The following BIRC7 variants were observed in gnomAD, a reference collection of about 807,000 sequenced individuals.
BIRC7 encodes baculoviral IAP repeat-containing protein 7.
A neutral mutation model predicts 33.2 loss-of-function variants in BIRC7; 26 were observed. The observed-to-expected ratio is 0.78, with a 90% CI of 0.57 to 1.09. The LOEUF is 1.09. Ranked by LOEUF, BIRC7 falls within the 50% of genes least tolerant of loss-of-function variation. The pLI is 0.00. For missense variants in BIRC7, 409 were observed against 401.2 expected, an observed-to-expected ratio of 1.02 and a Z score of -0.17; for synonymous variants, 176 against 171.0, an observed-to-expected ratio of 1.03 and a Z score of -0.23.
intron 4 of BIRC7, 167 bp downstream of exon 4, chr20:63,238,781 G>A (rs2066708768): frequency 1.1e-6 from 1 of 937,488 alleles, no homozygotes; most frequent in South Asian, 1.6e-5. Flanking sequence ...CCATGTGAGG[G>A]TGGGGGCGGG....
At chr20:63,238,975 G>T (rs934873026) in intron 4 of BIRC7, 187 bp from the exon 5 acceptor site, 21 of 678,286 alleles carry the variant, frequency 3.1e-5, no homozygotes, top group Non-Finnish European at 5.3e-5. Flanking sequence ...CTCTGGTGGC[G>T]CCTCCAGGAA....
In BIRC7 at chr20:63,239,064, C is replaced by G. The variant is rs1340519238; in HGVS notation, c.578-98C>G. On this transcript the variant is annotated intron_variant, in intron 4 of 6. Coordinates refer to ENST00000217169, the MANE Select transcript of BIRC7 (RefSeq NM_139317.3). The stretch of plus-strand genomic sequence containing the variant: ...GGATACTCTGCAGCCCCTCCACTCC[C>G]GGCCAGAACTGGACCCCACAGGCTG... The G allele has an allele frequency of 3.9e-6, 5 of 1,282,052 alleles. No individual in the cohort carries two copies. In the South Asian group the frequency reaches 4.9e-5, roughly 13 times the overall value. 79.4% of individuals were successfully genotyped at this position (1,282,052 alleles called of 1,614,324 possible). A position where few individuals can be genotyped will look rare whatever the true frequency, so the allele number is the denominator to read the frequency against.
At chr20:63,239,290 C>G in intron 5 of BIRC7, 57 bp downstream of exon 5, 1 of 1,607,156 alleles carries the variant, frequency 6.2e-7, no homozygotes, top group Non-Finnish European at 8.5e-7. Context: ...TGAGGGACCC[C>G]GACCTTCCAT....
At position 63,236,463 on chromosome 20, in the gene BIRC7, G is replaced by A. The variant is rs767123998; in HGVS notation, c.349+18G>A. The A allele has an allele frequency of 1.3e-6, 2 of 1,508,258 alleles. No individual in the cohort carries two copies. The highest frequency in any genetic ancestry group is 2.2e-5 in the Admixed American group (1 of 46,152). The allele number at this position is 1,508,258 out of a possible 1,614,324, so 93.4% of individuals were successfully genotyped here. A position where few individuals can be genotyped will look rare whatever the true frequency, so the allele number is the denominator to read the frequency against. ...CCACACAGGTCAGTCCCGGGCGGGG[G>A]GGCCTTCCTGCCGTGGGCCTGGGCA... On this transcript the variant is annotated intron_variant, in intron 1 of 6. Coordinates refer to ENST00000217169, the MANE Select transcript of BIRC7 (RefSeq NM_139317.3).
At chr20:63,236,474 C>A (rs764004708) in intron 1 of BIRC7, 29 bp downstream of exon 1, 2 of 1,505,250 alleles carry the variant, frequency 1.3e-6, no homozygotes, top group Non-Finnish European at 1.8e-6. Context: ...GGCCTTCCTG[C>A]CGTGGGCCTG....
intron 1 of BIRC7, among the ~76,000 whole-genome samples, chr20:63,237,097 C>T (rs376116897): frequency 6.6e-6 from 1 of 152,244 alleles, no homozygotes; most frequent in African/African-American, 2.4e-5. Flanking sequence ...GAGGGCTTTA[C>T]AAATACTGGC....
At chr20:63,239,103 G>A in intron 4 of BIRC7, 59 bp from the exon 5 acceptor site, 1 of 1,555,382 alleles carries the variant, frequency 6.4e-7, no homozygotes, top group Non-Finnish European at 8.8e-7. Context: ...ACCTGTATCT[G>A]GGCCGGCCCA....
Position 63,235,997 on chromosome 20 carries a change from C to A in BIRC7, c.-100C>A. On this transcript the variant is annotated 5_prime_UTR_variant, in exon 1 of 7. Coordinates refer to ENST00000217169, the MANE Select transcript of BIRC7 (RefSeq NM_139317.3). ...TCCCTGCTGTCCCCAGGGTGGGCCCCGGGGGTCAGGAGCTCCAGAAGGGCC... is the reference window on the plus strand; with the variant it reads ...TCCCTGCTGTCCCCAGGGTGGGCCCAGGGGGTCAGGAGCTCCAGAAGGGCC... 1 of 1,409,972 alleles carries A rather than the reference C, an allele frequency of 7.1e-7. No homozygotes were observed. The highest frequency in any genetic ancestry group is 9.5e-7 in the Non-Finnish European group (1 of 1,058,116). 87.3% of individuals were successfully genotyped at this position (1,409,972 alleles called of 1,614,324 possible).
chr20:63,238,036 T>A (rs769276793), intron 2 of BIRC7, 34 bp downstream of exon 2: 1 of 1,534,614 alleles, frequency 6.5e-7, no homozygotes, highest in Non-Finnish European at 8.8e-7. Flanking sequence ...CCGGGTCTGA[T>A]CATGGGTAGG....
intron 2 of BIRC7, 105 bp from the exon 3 acceptor site, chr20:63,238,291 G>T (rs1349418621): frequency 7.3e-7 from 1 of 1,373,018 alleles, no homozygotes; most frequent in Admixed American, 1.8e-5. Flanking sequence ...GGGCACTGCA[G>T]GGTGGCGGGA....
At chr20:63,239,031 G>A (rs1440117098) in intron 4 of BIRC7, 131 bp from the exon 5 acceptor site, 25 of 916,132 alleles carry the variant, frequency 2.7e-5, no homozygotes, top group South Asian at 1.5e-4. Context: ...AAGAAGTGTC[G>A]GGAGCGGGGA....
chr20:63,236,659 G>A (rs55887510), intron 1 of BIRC7, among the ~76,000 whole-genome samples: 3,464 of 152,296 alleles, frequency 0.023, 138 homozygotes, highest in African/African-American at 0.079. Context: ...GTTTCAGACC[G>A]TGGGATGTGA....
In BIRC7 at chr20:63,239,553, G is replaced by A; in HGVS notation, c.845G>A (p.Cys282Tyr). 1 of 1,603,102 alleles carries A rather than the reference G, an allele frequency of 6.2e-7. No individual in the cohort carries two copies. The highest frequency in any genetic ancestry group is 8.5e-7 in the Non-Finnish European group (1 of 1,179,652). ...GAGTGTGCCCCCGGCCTGCAGCTGT[G>A]CCCCATCTGCAGAGCCCCCGTCCGC... Reference protein sequence around the residue: ...CAECAPGLQLCPICRAPVRSR... With the variant: ...CAECAPGLQLYPICRAPVRSR... The change falls in exon 6 of 7, where the codon TGC (cysteine) becomes TAC (tyrosine). Residue 282 changes from cysteine to tyrosine, a missense_variant. Coordinates refer to ENST00000217169, the MANE Select transcript of BIRC7 (RefSeq NM_139317.3).
chr20:63,236,354 T>G lies in BIRC7; in HGVS notation c.258T>G (p.Ser86=). 6.3e-7 allele frequency: 1 copy of G among 1,598,914 alleles called. No homozygotes were observed. The highest frequency in any genetic ancestry group is 2.2e-5 in the East Asian group (1 of 44,566). The change falls in exon 1 of 7, where the codon TCT becomes TCG. Residue 86 remains serine (S), a synonymous_variant. Transcript: ENST00000217169. ...SRGPAFPGMG[S]EELRLASFYD... is the part of the protein sequence containing the mutation. Reference sequence around the variant, plus strand: ...GGCCTGCCTTCCCCGGCATGGGCTCTGAGGAGTTGCGTCTGGCCTCCTTCT... The same window carrying G: ...GGCCTGCCTTCCCCGGCATGGGCTCGGAGGAGTTGCGTCTGGCCTCCTTCT...
In BIRC7 at chr20:63,238,571, C is replaced by T; in HGVS notation, c.534C>T (p.Asp178=). 6.2e-7 allele frequency: 1 copy of T among 1,613,158 alleles called. No homozygotes were observed. The highest frequency in any genetic ancestry group is 8.5e-7 in the Non-Finnish European group (1 of 1,179,988). ...ETHSQLLGSW[D]PWEEPEDAAP... ...TGATGGTCTCTGGCTCCTTCCAGGA[C>T]CCGTGGGAAGAACCGGAAGACGCAG... is the stretch of plus-strand genomic sequence containing the variant. The change falls in exon 4 of 7, where the codon GAC becomes GAT. Residue 178 remains aspartate, a splice_region_variant and synonymous_variant. Transcript: ENST00000217169.
chr20:63,238,305 G>A lies in BIRC7; in HGVS notation c.450-91G>A, dbSNP rs188716182. The A allele has an allele frequency of 2.6e-3, 3,902 of 1,487,212 alleles. 7 individuals carry two copies. The highest frequency in any genetic ancestry group is 3.3e-3 in the Admixed American group (186 of 56,766). The allele number at this position is 1,487,212 out of a possible 1,614,324, so 92.1% of individuals were successfully genotyped here. Reference sequence around the variant, plus strand: ...CGGGCACTGCAGGGTGGCGGGAGGAGGGGGCCCAACCCTGACCCCCGGGGA... The same window carrying A: ...CGGGCACTGCAGGGTGGCGGGAGGAAGGGGCCCAACCCTGACCCCCGGGGA... On this transcript the variant is annotated intron_variant, in intron 2 of 6. Coordinates refer to ENST00000217169, the MANE Select transcript of BIRC7 (RefSeq NM_139317.3).
intron 6 of BIRC7, 124 bp downstream of exon 6, chr20:63,239,734 G>A (rs73919101): frequency 1.4e-5 from 18 of 1,308,978 alleles, no homozygotes; most frequent in Admixed American, 5.5e-5. Flanking sequence ...GTTTTTACCC[G>A]GCTCCCAGGT....
Position 63,239,249 on chromosome 20 carries a change from C to T in BIRC7, c.649+16C>T. The T allele has an allele frequency of 6.4e-7, 1 of 1,551,386 alleles. No individual in the cohort carries two copies. Among genetic ancestry groups the T allele is most frequent in the South Asian group, 1.1e-5 (1 of 88,584 alleles). Reference sequence around the variant, plus strand: ...CAGGAGCCAGGTGCAGGCCCGGGACCCCCTGGGTGAGGGCTGGGGCAGGGG... The same window carrying T: ...CAGGAGCCAGGTGCAGGCCCGGGACTCCCTGGGTGAGGGCTGGGGCAGGGG... On this transcript the variant is annotated intron_variant, in intron 5 of 6. Coordinates refer to ENST00000217169, the MANE Select transcript of BIRC7 (RefSeq NM_139317.3).
chr20:63,237,789 C>A, intron 1 of BIRC7, 114 bp from the exon 2 acceptor site: 10 of 791,364 alleles, frequency 1.3e-5, no homozygotes, highest in Non-Finnish European at 1.9e-5. Flanking sequence ...CCTCCTCCTT[C>A]TTGCCACCTG....
Sources: allele counts gnomAD v4.1 joint callset (sites outside exome capture counted in the v4.1 genomes callset), GRCh38; gene constraint gnomAD v4.1.1; transcripts MANE v1.5; gene names NCBI Gene and HGNC (gene_info 2026-07-23, HGNC 2026-07-21).